The following SDK1 variants were observed in gnomAD, a reference collection of about 807,000 sequenced individuals.
The protein encoded by SDK1 is sidekick cell adhesion molecule 1.
A neutral mutation model predicts 245.5 loss-of-function variants in SDK1; 157 were observed. The ratio of observed to expected loss-of-function variants is 0.64; its 90% CI spans 0.56 to 0.73. The LOEUF (loss-of-function observed/expected upper bound fraction) is 0.73, where lower values mean the gene tolerates loss of function less well. Ranked by LOEUF, SDK1 falls within the 30% of genes least tolerant of loss-of-function variation. The pLI is 0.00. For synonymous variants in SDK1, 1,647 were observed against 1,278.5 expected (o/e 1.29, Z -6.15); for missense variants, 3,583 against 3,002.3 (o/e 1.19, Z -4.52).
At chr7:3,323,190 C>G (rs1779860781) in intron 1 of SDK1, among the ~76,000 whole-genome samples, 2 of 152,258 alleles carry the variant, frequency 1.3e-5, no homozygotes, top group African/African-American at 4.8e-5. Flanking sequence ...CAGGCAAATT[C>G]CAACTCATTT....
At chr7:3,947,816 A>C (rs1450159671) in intron 5 of SDK1, among the ~76,000 whole-genome samples, 1 of 152,108 alleles carries the variant, frequency 6.6e-6, no homozygotes, top group South Asian at 2.1e-4. Context: ...TCAATAGATA[A>C]TGTCTAAAAT....
intron 44 of SDK1, among the ~76,000 whole-genome samples, chr7:4,264,559 G>A (rs1343303937): frequency 1.3e-4 from 18 of 135,690 alleles, no homozygotes; most frequent in African/African-American, 4.3e-4. Context: ...GAGTGAGGGA[G>A]GCCGCGTGGA....
chr7:4,090,151 A>G lies in SDK1; in HGVS notation c.3324+10567A>G, dbSNP rs147940841. Among the ~76,000 whole-genome samples, 515 of 152,262 alleles carry G rather than the reference A, an allele frequency of 3.4e-3. 3 individuals carry two copies. The highest frequency in any genetic ancestry group is 0.031 in the South Asian group (150 of 4,818). Reference sequence around the variant, plus strand: ...CCGTTGTTAGTCCAGTTATTTTGCTAACTTGACTGAGATTTCTCCCCTCTA... The same window carrying G: ...CCGTTGTTAGTCCAGTTATTTTGCTGACTTGACTGAGATTTCTCCCCTCTA... On this transcript the variant is annotated intron_variant, in intron 22 of 44. Coordinates refer to ENST00000404826, the MANE Select transcript of SDK1 (RefSeq NM_152744.4).
At chr7:3,644,783 A>C (rs1359201521) in intron 4 of SDK1, among the ~76,000 whole-genome samples, 2 of 141,790 alleles carry the variant, frequency 1.4e-5, no homozygotes, top group Non-Finnish European at 3.1e-5. Context: ...CAAAAAAAAA[A>C]AAAAAAAAAC....
At chr7:3,333,863 C>A (rs1311072205) in intron 1 of SDK1, among the ~76,000 whole-genome samples, 1 of 152,116 alleles carries the variant, frequency 6.6e-6, no homozygotes, top group Non-Finnish European at 1.5e-5. Flanking sequence ...GAGTATAATT[C>A]CCAAGGCTGC....
rs368387626 is a variant in SDK1 at position 3,836,061 on chromosome 7, G to A, written c.847+14478G>A. 1.8e-3 allele frequency among the ~76,000 whole-genome samples: 275 copies of A among 152,290 alleles called. 5 individuals carry two copies. The South Asian group carries it at 0.028, about 16-fold the overall frequency. On this transcript the variant is annotated intron_variant, in intron 5 of 44. Coordinates refer to ENST00000404826, the MANE Select transcript of SDK1 (RefSeq NM_152744.4). The stretch of plus-strand genomic sequence containing the variant: ...GGGAGATTTCTCAGAGATGGACTGT[G>A]TTATAAATAGAACAAATCAGTCAAA...
At chr7:4,205,054 T>C (rs995454408) in intron 35 of SDK1, among the ~76,000 whole-genome samples, 10 of 75,806 alleles carry the variant, frequency 1.3e-4, no homozygotes, top group Non-Finnish European at 2.3e-4. Flanking sequence ...TTGGTTTGCG[T>C]GTGCCATGCA....
chr7:3,802,728 G>A (rs1779138002), intron 4 of SDK1, among the ~76,000 whole-genome samples: 1 of 152,252 alleles, frequency 6.6e-6, no homozygotes, highest in East Asian at 1.9e-4. Flanking sequence ...TTTTGGGATT[G>A]GCTTTTCCCC....
chr7:4,195,252 A>C (rs563118932), intron 35 of SDK1, among the ~76,000 whole-genome samples: 3 of 152,340 alleles, frequency 2.0e-5, no homozygotes, highest in Non-Finnish European at 4.4e-5. Flanking sequence ...GAAATGGTGC[A>C]CCGTGATTTC....
chr7:3,746,938 C>T (rs953648108), intron 4 of SDK1, among the ~76,000 whole-genome samples: 2 of 152,166 alleles, frequency 1.3e-5, no homozygotes, highest in African/African-American at 4.8e-5. Context: ...TTTTGATTGA[C>T]TTTTCCAAGA....
In SDK1 at chr7:4,265,662, G is replaced by C; in HGVS notation, c.*278G>C. 2.5e-6 allele frequency: 3 copies of C among 1,221,194 alleles called. No individual in the cohort carries two copies. Among genetic ancestry groups the C allele is most frequent in the Non-Finnish European group, 3.1e-6 (3 of 983,422 alleles). The allele number at this position is 1,221,194 out of a possible 1,614,324, so 75.6% of individuals were successfully genotyped here. ...CTGGTGCAATGGCTTGGCACCTCCG[G>C]GGCCTGGGAGGACCTCAGACCTCCC... On this transcript the variant is annotated 3_prime_UTR_variant, in exon 45 of 45. Transcript: ENST00000404826.
chr7:3,690,003 A>T (rs1784401126), intron 4 of SDK1, among the ~76,000 whole-genome samples: 1 of 152,280 alleles, frequency 6.6e-6, no homozygotes, highest in Non-Finnish European at 1.5e-5. Context: ...GTTAAGCTAC[A>T]AAATATATTT....
intron 1 of SDK1, among the ~76,000 whole-genome samples, chr7:3,596,982 G>C (rs575905489): frequency 6.6e-6 from 1 of 152,210 alleles, no homozygotes; most frequent in African/African-American, 2.4e-5. Flanking sequence ...TATAAGAGTA[G>C]GTTACAGGCT....
intron 31 of SDK1, among the ~76,000 whole-genome samples, chr7:4,161,315 A>G (rs528680536): frequency 1.3e-5 from 2 of 152,326 alleles, no homozygotes; most frequent in East Asian, 3.9e-4. Flanking sequence ...CCTCACCAGA[A>G]ATCAATCTCC....
chr7:3,552,841 C>T (rs569554998), intron 1 of SDK1, among the ~76,000 whole-genome samples: 3 of 152,202 alleles, frequency 2.0e-5, no homozygotes, highest in African/African-American at 7.2e-5. Flanking sequence ...TCAATAAATT[C>T]AGAAGTGGAA....
intron 1 of SDK1, among the ~76,000 whole-genome samples, chr7:3,581,274 G>A (rs1780479181): frequency 1.3e-5 from 2 of 152,030 alleles, no homozygotes; most frequent in South Asian, 2.1e-4. Context: ...CCTATTAATC[G>A]AATATGATAA....
chr7:3,783,412 G>A (rs1362857330), intron 4 of SDK1, among the ~76,000 whole-genome samples: 1 of 151,650 alleles, frequency 6.6e-6, no homozygotes, highest in Non-Finnish European at 1.5e-5. Flanking sequence ...AGGAAGAGCT[G>A]AAGTTGTCAC....
chr7:3,642,040 C>A lies in SDK1; in HGVS notation c.648C>A (p.Thr216=), dbSNP rs755024117. The change falls in exon 4 of 45, where the codon ACC becomes ACA. Residue 216 remains threonine, a synonymous_variant. Coordinates refer to ENST00000404826, the MANE Select transcript of SDK1 (RefSeq NM_152744.4). ...CGATTCTAAACCTGCTGCCCATCAC[C>A]AGCTACCCCAGACCTCAAGTGACTT... ...RAAILNLLPI[T]SYPRPQVTWF... is the part of the protein sequence containing the mutation. 3.0e-5 allele frequency: 48 copies of A among 1,613,922 alleles called. No homozygotes were observed. Among genetic ancestry groups the A allele is most frequent in the Non-Finnish European group, 3.7e-5 (44 of 1,179,896 alleles).
chr7:4,047,893 C>T (rs1789135686), intron 17 of SDK1, among the ~76,000 whole-genome samples: 4 of 152,320 alleles, frequency 2.6e-5, no homozygotes. Context: ...ATCCCAGGCA[C>T]AGCAAGCCCT....
Sources: allele counts gnomAD v4.1 joint callset (sites outside exome capture counted in the v4.1 genomes callset), GRCh38; gene constraint gnomAD v4.1.1; transcripts MANE v1.5; gene names NCBI Gene and HGNC (gene_info 2026-07-23, HGNC 2026-07-21).